TEX9: variants seen among roughly 807,000 people sequenced by gnomAD.
The protein encoded by TEX9 is testis-expressed protein 9.
A neutral mutation model predicts 59.6 loss-of-function variants in TEX9; 74 were observed. The ratio of observed to expected loss-of-function variants is 1.24; its 90% CI spans 1.03 to 1.51. The LOEUF is 1.51. Among genes scored for constraint, TEX9 ranks in the 40% most tolerant of loss-of-function variants. TEX9 has a pLI of 0.00. For missense variants in TEX9, 522 were observed against 447.8 expected, an observed-to-expected ratio of 1.17 and a Z score of -1.49; for synonymous variants, 186 against 152.2, an observed-to-expected ratio of 1.22 and a Z score of -1.64.
the TEX9 span, among the ~76,000 whole-genome samples, chr15:56,451,116 G>A: frequency 6.6e-6 from 1 of 152,134 alleles, no homozygotes; most frequent in African/African-American, 2.4e-5. Flanking sequence ...ATATATTTCA[G>A]ATATTAAATC....
chr15:56,289,655 T>G (rs1277860093), intron 1 of TEX9, among the ~76,000 whole-genome samples: 1 of 152,186 alleles, frequency 6.6e-6, no homozygotes, highest in East Asian at 1.9e-4. Flanking sequence ...CTGAGGGGGT[T>G]TCTCTTGGCA....
chr15:56,330,531 G>C (rs1286394877), intron 1 of TEX9, among the ~76,000 whole-genome samples: 1 of 152,030 alleles, frequency 6.6e-6, no homozygotes, highest in Non-Finnish European at 1.5e-5. Context: ...AAAAAGTAGA[G>C]GAACAAAATT....
rs1047280101 is a variant in TEX9, at chr15:56,434,909, A to G, written c.*29+6436A>G. On this transcript the variant is annotated intron_variant, in intron 12 of 12. Coordinates refer to ENST00000352903, the Ensembl canonical transcript of TEX9. ...TAAAAACAATTATCTAGCAATGACA[A>G]TCAGTACTTCTTTAGGGAAATTCAA... 5.3e-5 allele frequency among the ~76,000 whole-genome samples: 8 copies of G among 152,120 alleles called. 1 individual carries two copies. Among genetic ancestry groups the G allele is most frequent in the Non-Finnish European group, 8.8e-5 (6 of 67,982 alleles).
At chr15:56,296,700 C>T (rs558999703) in intron 1 of TEX9, among the ~76,000 whole-genome samples, 42 of 152,262 alleles carry the variant, frequency 2.8e-4, no homozygotes, top group Non-Finnish European at 5.1e-4. Context: ...CTTTGGAATG[C>T]TTTTGCCCTT....
intron 3 of TEX9, among the ~76,000 whole-genome samples, chr15:56,381,120 C>T (rs188214592): frequency 2.0e-5 from 3 of 151,970 alleles, no homozygotes; most frequent in Non-Finnish European, 2.9e-5. Flanking sequence ...CTTTTGTCTC[C>T]TCTGTATTTT....
At chr15:56,328,568 C>T (rs957567285) in intron 1 of TEX9, among the ~76,000 whole-genome samples, 2 of 152,124 alleles carry the variant, frequency 1.3e-5, no homozygotes, top group East Asian at 3.9e-4. Context: ...AAGGGCAAGT[C>T]CCAGACTGGG....
upstream of TEX9, among the ~76,000 whole-genome samples, chr15:56,364,369 T>G (rs2046853070): frequency 6.6e-6 from 1 of 151,696 alleles, no homozygotes; most frequent in South Asian, 2.1e-4. Context: ...GTCAGGCTGG[T>G]CTTGAACTCC....
At chr15:56,429,205 A>G (rs763153005) in intron 12 of TEX9, 3 of 1,550,066 alleles carry the variant, frequency 1.9e-6, no homozygotes, top group East Asian at 2.3e-5. Context: ...TACGAGAAAA[A>G]TACTTTGTGG....
At chr15:56,429,028 T>C in intron 12 of TEX9, 1 of 937,418 alleles carries the variant, frequency 1.1e-6, no homozygotes. Context: ...GCCACTGAAC[T>C]GTAAAACAAA....
Position 56,281,266 on chromosome 15 carries a change from G to A in TEX9, c.-107+36988G>A, listed in dbSNP as rs535592417. Reference sequence around the variant, plus strand: ...TCCTTCAAAGATACTGGTTAACAGAGGTTAGTATATAGTTTAAGTCAGGGG... The same window carrying A: ...TCCTTCAAAGATACTGGTTAACAGAAGTTAGTATATAGTTTAAGTCAGGGG... On this transcript the variant is annotated intron_variant, in intron 1 of 5. Coordinates refer to the TEX9 transcript ENST00000560827. Among the ~76,000 whole-genome samples the A allele has an allele frequency of 2.1e-4, 32 of 152,332 alleles. No homozygotes were observed. The South Asian group carries it at 4.8e-3, about 23-fold the overall frequency.
intron 10 of TEX9, among the ~76,000 whole-genome samples, chr15:56,424,861 T>A (rs534772934): frequency 6.6e-6 from 1 of 152,334 alleles, no homozygotes; most frequent in Non-Finnish European, 1.5e-5. Flanking sequence ...CATATTTGCA[T>A]ATAGCTTTGA....
intron 10 of TEX9, among the ~76,000 whole-genome samples, chr15:56,423,825 A>G (rs769711354): frequency 6.6e-6 from 1 of 152,148 alleles, no homozygotes; most frequent in Admixed American, 6.5e-5. Context: ...GGTTACACAG[A>G]TAAGTGCTTT....
chr15:56,428,531 A>G (rs1296180457), intron 12 of TEX9: 2 of 887,600 alleles, frequency 2.3e-6, no homozygotes, highest in East Asian at 2.5e-5. Flanking sequence ...TTTATTCTTC[A>G]TAAGTAATAT....
chr15:56,431,124 A>T (rs573948285), intron 12 of TEX9, among the ~76,000 whole-genome samples: 1 of 152,334 alleles, frequency 6.6e-6, no homozygotes, highest in South Asian at 2.1e-4. Flanking sequence ...ACTGCACTCC[A>T]GCCTGGGCGA....
intron 1 of TEX9, among the ~76,000 whole-genome samples, chr15:56,265,007 T>C (rs1395750022): frequency 6.6e-6 from 1 of 152,224 alleles, no homozygotes; most frequent in Non-Finnish European, 1.5e-5. Flanking sequence ...TACTTGATTA[T>C]AGTAAATCTT....
intron 2 of TEX9, among the ~76,000 whole-genome samples, chr15:56,368,739 A>G (rs1396175237): frequency 6.6e-6 from 1 of 152,186 alleles, no homozygotes; most frequent in Admixed American, 6.5e-5. Flanking sequence ...GACTGTATCC[A>G]TAACCATGTA....
chr15:56,312,603 G>T (rs1160439774), intron 1 of TEX9, among the ~76,000 whole-genome samples: 3 of 148,178 alleles, frequency 2.0e-5, no homozygotes, highest in South Asian at 2.1e-4. Flanking sequence ...TGTTCTTTTG[G>T]CTTAGGATTG....
chr15:56,422,979 G>C (rs2050054658), intron 10 of TEX9, among the ~76,000 whole-genome samples: 1 of 152,114 alleles, frequency 6.6e-6, no homozygotes, highest in East Asian at 1.9e-4. Context: ...GCATGTGTCA[G>C]AATTTCATTC....
intron 1 of TEX9, among the ~76,000 whole-genome samples, chr15:56,331,219 C>T (rs1470206159): frequency 6.6e-6 from 1 of 152,142 alleles, no homozygotes; most frequent in African/African-American, 2.4e-5. Flanking sequence ...GAATTCAACA[C>T]ACCACTTTCA....
Sources: allele counts gnomAD v4.1 joint callset (sites outside exome capture counted in the v4.1 genomes callset), GRCh38; gene constraint gnomAD v4.1.1; transcripts MANE v1.5; gene names NCBI Gene and HGNC (gene_info 2026-07-23, HGNC 2026-07-21).